Variants in RAB4A observed in about 807,000 individuals in gnomAD.
RAB4A encodes ras-related protein Rab-4A.
A neutral mutation model predicts 34.5 loss-of-function variants in RAB4A; 20 were observed. That is an observed-to-expected ratio of 0.58 (90% CI 0.41 to 0.84). The LOEUF (loss-of-function observed/expected upper bound fraction) is 0.84. Among genes scored for constraint, RAB4A ranks in the 40% least tolerant of loss-of-function variants. RAB4A has a pLI of 0.00. For missense variants in RAB4A, 228 were observed against 274.5 expected (o/e 0.83, Z 1.20); for synonymous variants, 102 against 100.0 (o/e 1.02, Z -0.12).
At position 229,285,338 on chromosome 1, in the gene RAB4A, A is replaced by G. The variant is rs563798992; in HGVS notation, c.32-1148A>G. Among the ~76,000 whole-genome samples the G allele has an allele frequency of 2.6e-5, 4 of 152,298 alleles. No homozygotes were observed. The East Asian group carries it at 7.7e-4, about 29-fold the overall frequency. ...AACTTTTTAATGCTAACAAAATTCTAATAGCATTATTTTTAGTTTGATTGC... is the reference window on the plus strand; with the variant it reads ...AACTTTTTAATGCTAACAAAATTCTGATAGCATTATTTTTAGTTTGATTGC... On this transcript the variant is annotated intron_variant, in intron 1 of 7. Transcript: ENST00000366690.
chr1:229,300,923 A>T (rs1657371227), intron 6 of RAB4A, among the ~76,000 whole-genome samples: 1 of 152,202 alleles, frequency 6.6e-6, no homozygotes, highest in African/African-American at 2.4e-5. Flanking sequence ...ATGGTCGGAA[A>T]TGTGTGAAGA....
intron 6 of RAB4A, among the ~76,000 whole-genome samples, chr1:229,302,310 T>TATATATATATATA (rs1553302348): frequency 6.2e-5 from 1 of 16,092 alleles, no homozygotes; most frequent in African/African-American, 2.1e-4. Context: ...TATATATATA[T>TATATATATATATA]TTTTTTTTTT....
chr1:229,305,007 T>C lies in RAB4A; in HGVS notation c.*1214T>C, dbSNP rs1657514905. 2 of 1,102,114 alleles carry C rather than the reference T, an allele frequency of 1.8e-6. No individual in the cohort carries two copies. Among genetic ancestry groups the C allele is most frequent in the Non-Finnish European group, 1.2e-6 (1 of 823,614 alleles). The allele number at this position is 1,102,114 out of a possible 1,614,324, so 68.3% of individuals were successfully genotyped here. On this transcript the variant is annotated 3_prime_UTR_variant, in exon 8 of 8. Transcript: ENST00000366690. ...AAAGGTTAAAAAGCTTTCTTCACCTTATATATGTTCTTCCACTGTGACTTT... is the reference window on the plus strand; with the variant it reads ...AAAGGTTAAAAAGCTTTCTTCACCTCATATATGTTCTTCCACTGTGACTTT...
chr1:229,302,796 TAATC>T, intron 6 of RAB4A, 62 bp from the exon 7 acceptor site: 3 of 1,149,376 alleles, frequency 2.6e-6, no homozygotes, highest in Non-Finnish European at 1.3e-6. Context: ...TTTTTTTTTT[TAATC>T]TATTTTTGGA....
At chr1:229,302,827 A>G in intron 6 of RAB4A, 35 bp from the exon 7 acceptor site, 1 of 1,456,358 alleles carries the variant, frequency 6.9e-7, no homozygotes, top group Non-Finnish European at 9.5e-7. Context: ...GAAACATAAA[A>G]GCCTTTTTTA....
intron 6 of RAB4A, among the ~76,000 whole-genome samples, chr1:229,302,266 TATATATATATATATATATATATATATA>T (rs1657403277): frequency 1.0e-4 from 1 of 9,634 alleles, no homozygotes; most frequent in Non-Finnish European, 1.9e-4. Flanking sequence ...ATTATATATA[TATATATATATATATATATATATATATA>T]TATATATATA....
intron 1 of RAB4A, among the ~76,000 whole-genome samples, chr1:229,281,636 T>G (rs1477063774): frequency 6.6e-6 from 1 of 151,948 alleles, no homozygotes; most frequent in East Asian, 1.9e-4. Flanking sequence ...TTGTAATTAT[T>G]GATATTGTAT....
At chr1:229,299,415 A>G (rs1485796627) in intron 6 of RAB4A, among the ~76,000 whole-genome samples, 2 of 152,202 alleles carry the variant, frequency 1.3e-5, no homozygotes, top group African/African-American at 4.8e-5. Flanking sequence ...CTCTGTCAAC[A>G]GCACGCTAAT....
At position 229,273,119 on chromosome 1, in the gene RAB4A, G is replaced by A. The variant is rs1449940847; in HGVS notation, c.31+1749G>A. ...AGGAGCACGGAGCACTAGGGGAAGG[G>A]TGGAATGTCCAAATAAGAAAAGCAA... On this transcript the variant is annotated intron_variant, in intron 1 of 7. Coordinates refer to ENST00000366690, the MANE Select transcript of RAB4A (RefSeq NM_004578.4). 2.0e-5 allele frequency among the ~76,000 whole-genome samples: 3 copies of A among 152,232 alleles called. No individual in the cohort carries two copies. The East Asian group carries it at 5.8e-4, about 29-fold the overall frequency.
At chr1:229,279,818 A>G (rs1052774244) in intron 1 of RAB4A, among the ~76,000 whole-genome samples, 7 of 148,644 alleles carry the variant, frequency 4.7e-5, no homozygotes, top group Non-Finnish European at 7.4e-5. Context: ...TCTGGAGAAA[A>G]CCCTTATCAG....
chr1:229,303,025 C>A (rs765536356), intron 7 of RAB4A, 36 bp downstream of exon 7: 7 of 1,454,050 alleles, frequency 4.8e-6, no homozygotes, highest in African/African-American at 1.4e-5. Context: ...GAGTTCCTGG[C>A]AAGCTCAAGT....
intron 3 of RAB4A, among the ~76,000 whole-genome samples, chr1:229,294,784 C>T (rs1226074935): frequency 1.3e-5 from 2 of 152,106 alleles, no homozygotes. Flanking sequence ...GAGCTGAGAT[C>T]GCGCCATTGC....
intron 4 of RAB4A, 121 bp from the exon 5 acceptor site, chr1:229,297,361 T>A: frequency 4.1e-6 from 4 of 970,474 alleles, no homozygotes; most frequent in Non-Finnish European, 4.5e-6. Context: ...TGAGTTATCT[T>A]AAAGGTGTTG....
chr1:229,289,390 T>C (rs911550267), intron 3 of RAB4A, among the ~76,000 whole-genome samples: 1 of 152,246 alleles, frequency 6.6e-6, no homozygotes, highest in Non-Finnish European at 1.5e-5. Flanking sequence ...AATAGATTAA[T>C]ATTTTAGTTG....
At chr1:229,275,249 A>G (rs1656609766) in intron 1 of RAB4A, among the ~76,000 whole-genome samples, 1 of 152,202 alleles carries the variant, frequency 6.6e-6, no homozygotes, top group Non-Finnish European at 1.5e-5. Context: ...AAATGCATTC[A>G]GAGAGAAAGA....
In RAB4A at chr1:229,271,185, G is replaced by C. The variant is rs543318714; in HGVS notation, c.-155G>C. The C allele has an allele frequency of 4.1e-5, 29 of 701,286 alleles. No individual in the cohort carries two copies. The African/African-American group carries it at 4.9e-4, about 12-fold the overall frequency. 43.4% of individuals were successfully genotyped at this position (701,286 alleles called of 1,614,324 possible). ...CTGCGCGGAGCTGGAGTCCGGCTGG[G>C]CCGCAGCCGCTGGGAGACCGGCGGT... On this transcript the variant is annotated 5_prime_UTR_variant, in exon 1 of 8. Transcript: ENST00000366690.
At chr1:229,284,068 GT>G (rs1553300849) in intron 1 of RAB4A, among the ~76,000 whole-genome samples, 1 of 132,060 alleles carries the variant, frequency 7.6e-6, no homozygotes. Context: ...TTCTAGGGTG[GT>G]TTTTTTTGTT....
intron 1 of RAB4A, among the ~76,000 whole-genome samples, chr1:229,272,265 G>A (rs1656509711): frequency 6.6e-6 from 1 of 152,122 alleles, no homozygotes; most frequent in South Asian, 2.1e-4. Context: ...TTGATTTGGA[G>A]TTTTACAGTC....
intron 1 of RAB4A, among the ~76,000 whole-genome samples, chr1:229,279,625 T>G (rs141301019): frequency 6.6e-6 from 1 of 152,316 alleles, no homozygotes; most frequent in East Asian, 1.9e-4. Flanking sequence ...TTTCCTGGTC[T>G]TTATTTTGTC....
Sources: allele counts gnomAD v4.1 joint callset (sites outside exome capture counted in the v4.1 genomes callset), GRCh38; gene constraint gnomAD v4.1.1; transcripts MANE v1.5; gene names NCBI Gene and HGNC (gene_info 2026-07-23, HGNC 2026-07-21).